Variants in CEMIP observed in about 807,000 individuals in gnomAD.
CEMIP encodes cell migration inducing hyaluronidase 1, also known as cell migration-inducing and hyaluronan-binding protein.
CEMIP carries 105 observed loss-of-function variants against 156.9 expected under a neutral mutation model. The observed-to-expected ratio is 0.67, with a 90% CI of 0.57 to 0.79. CEMIP has a LOEUF of 0.79. Ranked by LOEUF, CEMIP falls within the 30% of genes least tolerant of loss-of-function variation. CEMIP has a pLI of 0.00. For missense variants in CEMIP, 1,457 were observed against 1,769.4 expected, an observed-to-expected ratio of 0.82 and a Z score of 3.17; for synonymous variants, 676 against 668.4, an observed-to-expected ratio of 1.01 and a Z score of -0.17.
intron 1 of CEMIP, among the ~76,000 whole-genome samples, chr15:80,865,422 C>T (rs1011339517): frequency 1.3e-5 from 2 of 152,094 alleles, no homozygotes; most frequent in Admixed American, 6.5e-5. Context: ...CCTCGTGACC[C>T]ACCAGCCTCG....
Position 80,872,198 on chromosome 15 carries a change from G to T in CEMIP, c.-175-1340G>T, listed in dbSNP as rs75185953. 7.2e-4 allele frequency among the ~76,000 whole-genome samples: 109 copies of T among 152,340 alleles called. 2 individuals carry two copies. Among genetic ancestry groups the T allele is most frequent in the Non-Finnish European group, 1.2e-3 (81 of 68,036 alleles). On this transcript the variant is annotated intron_variant, in intron 1 of 29. Coordinates refer to ENST00000394685, the MANE Select transcript of CEMIP (RefSeq NM_001293298.2). Reference sequence around the variant, plus strand: ...GTTCAAAGGGAGGAGCCTGGGCCGGGTGAGATAGATTTTGGCCCTTTTCTC... The same window carrying T: ...GTTCAAAGGGAGGAGCCTGGGCCGGTTGAGATAGATTTTGGCCCTTTTCTC...
intron 1 of CEMIP, among the ~76,000 whole-genome samples, chr15:80,813,406 G>C (rs1427178900): frequency 1.5e-5 from 2 of 134,100 alleles, no homozygotes; most frequent in African/African-American, 5.4e-5. Context: ...TTGGAGTGCA[G>C]TGGCATGATC....
chr15:80,906,542 C>T lies in CEMIP; in HGVS notation c.1412-121C>T, dbSNP rs2141887500. 1.1e-6 allele frequency: 1 copy of T among 946,626 alleles called. No homozygotes were observed. The highest frequency in any genetic ancestry group is 2.5e-5 in the East Asian group (1 of 40,654). 58.6% of individuals were successfully genotyped at this position (946,626 alleles called of 1,614,324 possible). ...CCTTCATCCTTCTGTAACATGAGAC[C>T]ACTGTGCACACCAGGCATGGCGATG... On this transcript the variant is annotated intron_variant, in intron 12 of 29. Transcript: ENST00000394685. This position sits in a 1 kb window ranked among gnomAD's most constrained non-coding sequence, Gnocchi z 4.3.
At chr15:80,815,460 CAT>C (rs891687980) in intron 1 of CEMIP, among the ~76,000 whole-genome samples, 3 of 152,368 alleles carry the variant, frequency 2.0e-5, no homozygotes, top group Non-Finnish European at 2.9e-5. Context: ...GATGAAGTAA[CAT>C]ATGGAAAATG....
chr15:80,833,621 C>A (rs1289970621), intron 1 of CEMIP, among the ~76,000 whole-genome samples: 2 of 151,530 alleles, frequency 1.3e-5, no homozygotes, highest in African/African-American at 4.9e-5. Flanking sequence ...TGGCTCTACC[C>A]TCCTCATCAT....
At chr15:80,909,983 TAC>T (rs1226086195) in intron 14 of CEMIP, among the ~76,000 whole-genome samples, 1 of 152,380 alleles carries the variant, frequency 6.6e-6, no homozygotes, top group East Asian at 1.9e-4. Context: ...TGAACATTTT[TAC>T]ACTAAATTGA....
At chr15:80,873,826 C>G (rs1898374520) in intron 2 of CEMIP, 38 bp from the exon 3 acceptor site, 1 of 1,466,454 alleles carries the variant, frequency 6.8e-7, no homozygotes. Context: ...TCCAGCCTGC[C>G]AAGGCTGCAT....
At chr15:80,915,419 A>C (rs1029090847) in intron 14 of CEMIP, among the ~76,000 whole-genome samples, 4 of 152,220 alleles carry the variant, frequency 2.6e-5, no homozygotes, top group African/African-American at 4.8e-5. Context: ...TTTCACTGTC[A>C]TAATTTTCTA....
chr15:80,948,773 A>T, intron 29 of CEMIP, 24 bp from the exon 30 acceptor site: 1 of 1,614,014 alleles, frequency 6.2e-7, no homozygotes, highest in Non-Finnish European at 8.5e-7. Flanking sequence ...GCTTTTGCTC[A>T]GGAGACTCAT....
At chr15:80,876,347 C>T (rs1226769800) in intron 3 of CEMIP, among the ~76,000 whole-genome samples, 1 of 152,172 alleles carries the variant, frequency 6.6e-6, no homozygotes, top group Non-Finnish European at 1.5e-5. Flanking sequence ...TCAGTATCAC[C>T]GCAGAGAGCC....
chr15:80,840,769 C>T (rs1897392239), intron 1 of CEMIP, among the ~76,000 whole-genome samples: 1 of 152,066 alleles, frequency 6.6e-6, no homozygotes, highest in Non-Finnish European at 1.5e-5. Flanking sequence ...GAGAGGGAGT[C>T]CTAGGGGGTC....
In CEMIP at chr15:80,906,882, T is replaced by C. The variant is rs1899830033; in HGVS notation, c.1587+44T>C. On this transcript the variant is annotated intron_variant, in intron 13 of 29. Coordinates refer to ENST00000394685, the MANE Select transcript of CEMIP (RefSeq NM_001293298.2). This position sits in a 1 kb window ranked among gnomAD's most constrained non-coding sequence, Gnocchi z 4.3. ...GAGTCTTTCAACCCAACCAGGAGAG[T>C]TCCTATGATGTCAGCCTCTAGACGG... 1.3e-6 allele frequency: 2 copies of C among 1,572,396 alleles called. No individual in the cohort carries two copies. The highest frequency in any genetic ancestry group is 1.7e-6 in the Non-Finnish European group (2 of 1,156,502).
At chr15:80,900,648 G>GTGTGTGTGTGTGTC (rs1567090991) in intron 12 of CEMIP, among the ~76,000 whole-genome samples, 8 of 111,914 alleles carry the variant, frequency 7.1e-5, no homozygotes, top group African/African-American at 2.3e-4. Flanking sequence ...GTGTGTGTGT[G>GTGTGTGTGTGTGTC]TCTGTGTGTG....
chr15:80,839,272 G>A (rs114731626), intron 1 of CEMIP, among the ~76,000 whole-genome samples: 4,660 of 149,948 alleles, frequency 0.031, 258 homozygotes, highest in African/African-American at 0.11. Flanking sequence ...AGTGAAGGCT[G>A]TGGAGTCAAG....
At chr15:80,899,478 G>A (rs1222121033) in intron 12 of CEMIP, among the ~76,000 whole-genome samples, 3 of 152,188 alleles carry the variant, frequency 2.0e-5, no homozygotes, top group African/African-American at 7.2e-5. Context: ...AAAGACAGAT[G>A]GGCATGTGAG....
intron 1 of CEMIP, among the ~76,000 whole-genome samples, chr15:80,810,283 TTTGAGTAAGATTTGA>T (rs1313445112): frequency 2.0e-5 from 3 of 152,352 alleles, no homozygotes; most frequent in African/African-American, 7.2e-5. Flanking sequence ...TCCCTTTTGA[TTTGAGTAAGATTTGA>T]TTGAGTAAGA....
intron 1 of CEMIP, among the ~76,000 whole-genome samples, chr15:80,790,171 G>C (rs1318155969): frequency 6.6e-6 from 1 of 152,182 alleles, no homozygotes. Flanking sequence ...CAAAGGCAGA[G>C]ACTTTTCATG....
chr15:80,919,537 G>A lies in CEMIP; in HGVS notation c.1798-557G>A, dbSNP rs140680635. Among the ~76,000 whole-genome samples, 1,109 of 152,066 alleles carry A rather than the reference G, an allele frequency of 7.3e-3. 13 individuals are homozygous for A. Among genetic ancestry groups the A allele is most frequent in the African/African-American group, 0.025 (1,054 of 41,462 alleles). On this transcript the variant is annotated intron_variant, in intron 14 of 29. Coordinates refer to ENST00000394685, the MANE Select transcript of CEMIP (RefSeq NM_001293298.2). ...TTTTAAAAGTCACCATCCCTGGCACGGCGCGGTGGCTCACACCTGTAATCC... is the reference window on the plus strand; with the variant it reads ...TTTTAAAAGTCACCATCCCTGGCACAGCGCGGTGGCTCACACCTGTAATCC...
chr15:80,863,280 G>A (rs1898033182), intron 1 of CEMIP, among the ~76,000 whole-genome samples: 1 of 152,176 alleles, frequency 6.6e-6, no homozygotes, highest in Non-Finnish European at 1.5e-5. Flanking sequence ...TTTTGATAGA[G>A]GGTGTTGGAC....
Sources: gnomAD v4.1 joint callset for allele counts (sites outside exome capture counted in the v4.1 genomes callset) on GRCh38, gnomAD v4.1.1 for gene constraint, Gnocchi (gnomAD v3.1) non-coding constraint, MANE v1.5 for transcripts, NCBI Gene and HGNC (gene_info 2026-07-23, HGNC 2026-07-21) for gene names.